Variants in SH3BP4 observed in about 807,000 individuals in gnomAD.
SH3BP4 encodes the protein SH3 domain binding protein 4.
A neutral mutation model predicts 65.5 loss-of-function variants in SH3BP4; 33 were observed. The observed-to-expected ratio is 0.50, with a 90% CI of 0.38 to 0.67. The LOEUF is 0.67. Among genes scored for constraint, SH3BP4 ranks in the 30% least tolerant of loss-of-function variants. SH3BP4 has a pLI of 0.00. For missense variants in SH3BP4, 1,134 were observed against 1,261.4 expected, an observed-to-expected ratio of 0.90 and a Z score of 1.53; for synonymous variants, 552 against 545.5, an observed-to-expected ratio of 1.01 and a Z score of -0.17.
At position 235,054,741 on chromosome 2, in the gene SH3BP4, AG is replaced by A. The variant is rs959438863; in HGVS notation, c.*927del. On this transcript the variant is annotated 3_prime_UTR_variant, in exon 6 of 6. Transcript: ENST00000392011. ...AGAGTTTGCTGCCTCTTCTGTGGACAGGAAGAAAACTTCATGACCGAATCAG... is the reference window on the plus strand; with the variant it reads ...AGAGTTTGCTGCCTCTTCTGTGGACAGAAGAAAACTTCATGACCGAATCAG... 1 of 152,212 alleles carries A rather than the reference AG, an allele frequency of 6.6e-6. No individual in the cohort carries two copies. Among genetic ancestry groups the A allele is most frequent in the East Asian group, 1.9e-4 (1 of 5,192 alleles). 9.4% of individuals were successfully genotyped at this position (152,212 alleles called of 1,614,324 possible). A position where few individuals can be genotyped will look rare whatever the true frequency, so the allele number is the denominator to read the frequency against.
intron 1 of SH3BP4, among the ~76,000 whole-genome samples, chr2:234,988,292 C>G (rs536157081): frequency 6.6e-6 from 1 of 152,146 alleles, no homozygotes; most frequent in Non-Finnish European, 1.5e-5. Context: ...ATCTCCTGAC[C>G]TCATGATCTG....
chr2:235,027,064 A>C (rs964468369), intron 2 of SH3BP4, among the ~76,000 whole-genome samples: 1 of 152,206 alleles, frequency 6.6e-6, no homozygotes, highest in African/African-American at 2.4e-5. Context: ...GGCATCTGCT[A>C]AGGTGGCGGG....
chr2:234,974,409 A>G lies in SH3BP4; in HGVS notation c.-206-20894A>G, dbSNP rs1486774859. 6.6e-6 allele frequency among the ~76,000 whole-genome samples: 1 copy of G among 152,174 alleles called. No individual in the cohort carries two copies. The highest frequency in any genetic ancestry group is 6.5e-5 in the Admixed American group (1 of 15,272). On this transcript the variant is annotated intron_variant, in intron 1 of 5. Coordinates refer to ENST00000392011, the MANE Select transcript of SH3BP4 (RefSeq NM_014521.3). This position sits in a 1 kb window ranked among gnomAD's most constrained non-coding sequence, Gnocchi z 4.6. ...AGAGAAAGAGAGATTTGTGAAGGTC[A>G]TGAGTTCCAGCCCATTTCACTGCTC...
chr2:235,028,333 A>T (rs750030714), intron 2 of SH3BP4, among the ~76,000 whole-genome samples: 2 of 152,180 alleles, frequency 1.3e-5, no homozygotes, highest in Non-Finnish European at 2.9e-5. Context: ...TGCTGAGTAG[A>T]CGGTGGTCAA....
intron 1 of SH3BP4, among the ~76,000 whole-genome samples, chr2:234,973,540 T>C (rs951894655): frequency 2.6e-5 from 4 of 152,336 alleles, no homozygotes; most frequent in African/African-American, 7.2e-5. Context: ...CCAAAGCAAT[T>C]TGACTTTCTG....
intron 1 of SH3BP4, among the ~76,000 whole-genome samples, chr2:234,993,606 A>G (rs1160742698): frequency 1.3e-5 from 2 of 152,236 alleles, no homozygotes; most frequent in African/African-American, 2.4e-5. Flanking sequence ...GACATATACC[A>G]TGAAGCCAGC....
intron 1 of SH3BP4, among the ~76,000 whole-genome samples, chr2:234,965,404 G>A (rs1238243456): frequency 1.3e-5 from 2 of 152,192 alleles, no homozygotes; most frequent in African/African-American, 2.4e-5. Flanking sequence ...CTGCACCCCC[G>A]TGAGCTGCTG....
intron 5 of SH3BP4, among the ~76,000 whole-genome samples, chr2:235,053,156 G>A (rs1164760181): frequency 3.3e-5 from 5 of 152,192 alleles, no homozygotes; most frequent in African/African-American, 1.2e-4. Flanking sequence ...CCGGGCTCTT[G>A]CTCAGAGGTC....
At chr2:234,958,407 C>T (rs1403175063) in intron 1 of SH3BP4, among the ~76,000 whole-genome samples, 1 of 151,992 alleles carries the variant, frequency 6.6e-6, no homozygotes, top group Non-Finnish European at 1.5e-5. Context: ...GTGCAGGATT[C>T]AAGGAGGTGC....
Position 234,972,122 on chromosome 2 carries a change from T to G in SH3BP4, c.-207+19952T>G, listed in dbSNP as rs192663396. 6.0e-3 allele frequency among the ~76,000 whole-genome samples: 883 copies of G among 145,982 alleles called. 8 individuals carry two copies. The highest frequency in any genetic ancestry group is 0.022 in the African/African-American group (798 of 37,060). The stretch of plus-strand genomic sequence containing the variant: ...GAGCCACCGTGCCCGGCCTTTTTTT[T>G]TTTTGTTTTTTGTTTTTTTTTTGTT... On this transcript the variant is annotated intron_variant, in intron 1 of 5. Coordinates refer to ENST00000392011, the MANE Select transcript of SH3BP4 (RefSeq NM_014521.3).
chr2:235,038,273 AAT>A (rs1553567294), intron 3 of SH3BP4, among the ~76,000 whole-genome samples: 1 of 26,056 alleles, frequency 3.8e-5, no homozygotes, highest in Non-Finnish European at 5.0e-5. Flanking sequence ...TATTATATAT[AAT>A]ATATATTATA....
chr2:235,038,291 TA>T (rs1695471616), intron 3 of SH3BP4, among the ~76,000 whole-genome samples: 2 of 19,306 alleles, frequency 1.0e-4, no homozygotes, highest in Non-Finnish European at 7.1e-5. Context: ...TTATATATAA[TA>T]TATATATTAT....
At chr2:235,012,571 C>A (rs1694546296) in intron 2 of SH3BP4, among the ~76,000 whole-genome samples, 1 of 152,164 alleles carries the variant, frequency 6.6e-6, no homozygotes, top group Non-Finnish European at 1.5e-5. Context: ...GACCTGTGTG[C>A]CTGCAGGCCT....
intron 3 of SH3BP4, among the ~76,000 whole-genome samples, chr2:235,039,368 G>A (rs561041489): frequency 3.9e-5 from 6 of 151,968 alleles, no homozygotes; most frequent in East Asian, 1.9e-4. Context: ...TTCTGGGGTC[G>A]GGGGGGCAAT....
intron 1 of SH3BP4, among the ~76,000 whole-genome samples, chr2:234,989,515 G>A (rs1016601430): frequency 2.0e-5 from 3 of 152,144 alleles, no homozygotes; most frequent in East Asian, 3.9e-4. Flanking sequence ...CTGGCCCTTT[G>A]CCCACTGCGT....
chr2:234,952,025 C>A lies in SH3BP4; in HGVS notation c.-352C>A, dbSNP rs1285637841. ...CGCCGAGGCGGGGGCCCAGCGCGCC[C>A]GGCACTCTCGGCGGTCCGGGCCCCT... On this transcript the variant is annotated 5_prime_UTR_variant, in exon 1 of 6. Coordinates refer to ENST00000392011, the MANE Select transcript of SH3BP4 (RefSeq NM_014521.3). This position sits in a 1 kb window ranked among gnomAD's most constrained non-coding sequence, Gnocchi z 6.5. 3 of 146,568 alleles carry A rather than the reference C, an allele frequency of 2.0e-5. No individual in the cohort carries two copies. Among genetic ancestry groups the A allele is most frequent in the Admixed American group, 1.4e-4 (2 of 14,720 alleles). 9.1% of individuals were successfully genotyped at this position (146,568 alleles called of 1,614,324 possible).
At chr2:234,990,965 T>C (rs1343848479) in intron 1 of SH3BP4, among the ~76,000 whole-genome samples, 1 of 152,168 alleles carries the variant, frequency 6.6e-6, no homozygotes, top group Non-Finnish European at 1.5e-5. Flanking sequence ...GCATGTCTGT[T>C]GAAACTCCCC....
rs1053284057 is a variant in SH3BP4, at chr2:234,976,389, G to C, written c.-206-18914G>C. On this transcript the variant is annotated intron_variant, in intron 1 of 5. Coordinates refer to ENST00000392011, the MANE Select transcript of SH3BP4 (RefSeq NM_014521.3). This position sits in a 1 kb window ranked among gnomAD's most constrained non-coding sequence, Gnocchi z 4.7. ...ACTTGTGTTGACCTTATAGTCAACT[G>C]ATAGTTCTGAGTAGTTAAGTTAGAT... 6.6e-6 allele frequency among the ~76,000 whole-genome samples: 1 copy of C among 152,210 alleles called. No homozygotes were observed. The highest frequency in any genetic ancestry group is 2.4e-5 in the African/African-American group (1 of 41,448).
chr2:235,034,631 A>G lies in SH3BP4; in HGVS notation c.-132-240A>G, dbSNP rs943077831. Among the ~76,000 whole-genome samples, 4 of 152,210 alleles carry G rather than the reference A, an allele frequency of 2.6e-5. No homozygotes were observed. Among genetic ancestry groups the G allele is most frequent in the Admixed American group, 2.0e-4 (3 of 15,280 alleles). On this transcript the variant is annotated intron_variant, in intron 2 of 5. Coordinates refer to ENST00000392011, the MANE Select transcript of SH3BP4 (RefSeq NM_014521.3). This position sits in a 1 kb window ranked among gnomAD's most constrained non-coding sequence, Gnocchi z 6.2. ...GCCCCTAAGAAGAGCAGGTGCAAACAGCCGGCCAGAAAACACTGCTTGGGC... is the reference window on the plus strand; with the variant it reads ...GCCCCTAAGAAGAGCAGGTGCAAACGGCCGGCCAGAAAACACTGCTTGGGC...
Sources: gnomAD v4.1 joint callset for allele counts (sites outside exome capture counted in the v4.1 genomes callset) on GRCh38, gnomAD v4.1.1 for gene constraint, Gnocchi (gnomAD v3.1) non-coding constraint, MANE v1.5 for transcripts, NCBI Gene and HGNC (gene_info 2026-07-23, HGNC 2026-07-21) for gene names.